The following SPTBN5 variants were observed in gnomAD, a reference collection of about 807,000 sequenced individuals.
The protein encoded by SPTBN5 is spectrin beta, non-erythrocytic 5.
In SPTBN5, 513 loss-of-function variants were observed where a neutral mutation model predicts 477.6. That is an observed-to-expected ratio of 1.07 (90% CI 1.00 to 1.16). SPTBN5 has a LOEUF of 1.16. Ranked by LOEUF, SPTBN5 falls within the 50% of genes most tolerant of loss-of-function variation. The probability of loss-of-function intolerance (pLI) is 0.00; values close to 1 mark genes in which losing one functional copy is unlikely to be tolerated. For synonymous variants in SPTBN5, 2,169 were observed against 2,011.7 expected (o/e 1.08, Z -2.09); for missense variants, 5,062 against 4,731.8 (o/e 1.07, Z -2.05).
At position 41,858,255 on chromosome 15, in the gene SPTBN5, G is replaced by C. The variant is rs188813174; in HGVS notation, c.8226+347C>G. ...GGAGGTTGCAGTGAGCTGAGATCTT[G>C]CCACTGCACTCCAGCCTGGGTGACA... is the stretch of plus-strand genomic sequence containing the variant. On this transcript the variant is annotated intron_variant, in intron 49 of 67. Transcript: ENST00000320955. Among the ~76,000 whole-genome samples, 70 of 152,312 alleles carry C rather than the reference G, an allele frequency of 4.6e-4. 1 individual carries two copies. The East Asian group carries it at 7.3e-3, about 16-fold the overall frequency.
rs1289935052 is a variant in SPTBN5 at position 41,857,340 on chromosome 15, G to GC, written c.8518dup (p.Ala2840GlyfsTer5). ...GCCCAGCAGTGCCTCAGCCTGCCTG[G>GC]CCTTCTTGTCCACTGCTGCCTCCAG... On this transcript the variant is annotated frameshift_variant, in exon 51 of 68. Coordinates refer to ENST00000320955, the MANE Select transcript of SPTBN5 (RefSeq NM_016642.4). LOFTEE classifies it high-confidence loss of function. 6.4e-7 allele frequency: 1 copy of GC among 1,570,492 alleles called. No individual in the cohort carries two copies. The highest frequency in any genetic ancestry group is 8.6e-7 in the Non-Finnish European group (1 of 1,158,284).
intron 45 of SPTBN5, 74 bp from the exon 46 acceptor site, chr15:41,861,570 G>C: frequency 6.4e-7 from 1 of 1,559,508 alleles, no homozygotes; most frequent in Non-Finnish European, 8.8e-7. Flanking sequence ...CTGTTCCAGT[G>C]GCACAGGTTA....
In SPTBN5 at chr15:41,858,607, G is replaced by T; in HGVS notation, c.8221C>A (p.Gln2741Lys). 1 of 1,610,620 alleles carries T rather than the reference G, an allele frequency of 6.2e-7. No homozygotes were observed. Residue 2741 changes from glutamine to lysine, a missense_variant, in exon 49 of 68, where the codon CAG becomes AAG. By Grantham distance (53) the Gln-to-Lys change is moderately conservative. Transcript: ENST00000320955. ...DASMHQQQEL[Q>K]REGQRLLQGG... The stretch of plus-strand genomic sequence containing the variant: ...TCCTGCCTGCAGGGCCTCACCCGCT[G>T]CAGCTCCTGCTGTTGGTGCATGCTC...
chr15:41,867,613 G>C lies in SPTBN5; in HGVS notation c.6237C>G (p.Ser2079Arg). ...TCAACTGCTCTACCTCTTCCACCGA[G>C]CTCCCCAAGGCACTGGTTTTCAGGG... ...EVSLKTSALG[S>R]SVEEVEQLIR... Residue 2079 changes from serine (S) to arginine (R), a missense_variant, in exon 35 of 68, where the codon AGC (serine) becomes AGG (arginine). Coordinates refer to ENST00000320955, the MANE Select transcript of SPTBN5 (RefSeq NM_016642.4). 1 of 1,613,750 alleles carries C rather than the reference G, an allele frequency of 6.2e-7. No homozygotes were observed. The highest frequency in any genetic ancestry group is 1.3e-5 in the African/African-American group (1 of 75,044).
rs772988566 is a variant in SPTBN5, at chr15:41,865,951, G to T, written c.6823-48C>A. 4 of 1,546,982 alleles carry T rather than the reference G, an allele frequency of 2.6e-6. No individual in the cohort carries two copies. The Admixed American group carries it at 5.9e-5, about 23-fold the overall frequency. ...GGGAGCGCTGTGAGCACCAGCCCAG[G>T]CTCCTGGCACCTGCTGCTGGGGATC... is the stretch of plus-strand genomic sequence containing the variant. On this transcript the variant is annotated intron_variant, in intron 38 of 67. Coordinates refer to ENST00000320955, the MANE Select transcript of SPTBN5 (RefSeq NM_016642.4).
intron 13 of SPTBN5, 94 bp downstream of exon 13, chr15:41,880,940 A>T (rs151141116): frequency 3.6e-6 from 4 of 1,104,570 alleles, no homozygotes; most frequent in Non-Finnish European, 3.9e-6. Flanking sequence ...AGGACAGGGA[A>T]CATGTCAGTC....
At position 41,876,542 on chromosome 15, in the gene SPTBN5, C is replaced by T. The variant is rs1197678; in HGVS notation, c.3951+6G>A. 0.011 allele frequency: 17,555 copies of T among 1,588,304 alleles called. 1,643 individuals are homozygous for T. The African/African-American group carries it at 0.21, about 19-fold the overall frequency. ...GGCGTCATGCGACCTGGGCCCAGAC[C>T]CTCACCTGGAGCTGGAGGGAAGCCA... On this transcript the variant is annotated splice_donor_region_variant and intron_variant, in intron 20 of 67. Transcript: ENST00000320955.
In SPTBN5 at chr15:41,880,065, G is replaced by A. The variant is rs534954763; in HGVS notation, c.2811+95C>T. On this transcript the variant is annotated intron_variant, in intron 14 of 67. Coordinates refer to ENST00000320955, the MANE Select transcript of SPTBN5 (RefSeq NM_016642.4). ...GCTCTCTGCTCCCCTCCCCCAGGCA[G>A]GACGGTAGTTAAATTGGAAAACTGA... 5.5e-6 allele frequency: 8 copies of A among 1,464,864 alleles called. No homozygotes were observed. The South Asian group carries it at 1.0e-4, about 18-fold the overall frequency. 90.7% of individuals were successfully genotyped at this position (1,464,864 alleles called of 1,614,324 possible).
Position 41,862,836 on chromosome 15 carries a change from T to C in SPTBN5, c.7217A>G (p.His2406Arg). The stretch of plus-strand genomic sequence containing the variant: ...GTGCACTTCCCGCTCCAGCTCCTCG[T>C]GTTTCCGCAGCAGCCTCTGCACGCT... ...LESVQRLLRK[H>R]EELEREVHPI... The change falls in exon 42 of 68, where the codon CAC becomes CGC. Residue 2406 changes from histidine (H) to arginine (R), a missense_variant. His to Arg is a conservative substitution (Grantham distance 29). Transcript: ENST00000320955. The C allele has an allele frequency of 1.9e-6, 3 of 1,589,702 alleles. No homozygotes were observed. Among genetic ancestry groups the C allele is most frequent in the Non-Finnish European group, 1.7e-6 (2 of 1,169,014 alleles).
rs760923419 is a variant in SPTBN5 at position 41,856,500 on chromosome 15, C to A, written c.8907G>T (p.Glu2969Asp). 1 of 1,598,788 alleles carries A rather than the reference C, an allele frequency of 6.3e-7. No homozygotes were observed. The highest frequency in any genetic ancestry group is 8.5e-7 in the Non-Finnish European group (1 of 1,174,138). Residue 2969 changes from glutamate (E) to aspartate (D), a missense_variant, in exon 53 of 68, where the codon GAG (glutamate) becomes GAT (aspartate). Glu to Asp is a conservative substitution (Grantham distance 45). Transcript: ENST00000320955. ...CCAGCTGCTGCACCCGGGCGGCCACCTCGTGGGCGGCAAAGTGCCCAGCCT... is the reference window on the plus strand; with the variant it reads ...CCAGCTGCTGCACCCGGGCGGCCACATCGTGGGCGGCAAAGTGCCCAGCCT... The part of the protein sequence containing the change: ...LVQAGHFAAH[E>D]VAARVQQLEK...
intron 41 of SPTBN5, 52 bp downstream of exon 41, chr15:41,863,652 C>T: frequency 1.4e-6 from 2 of 1,446,958 alleles, no homozygotes; most frequent in Non-Finnish European, 9.7e-7. Context: ...GTGCCCCCTC[C>T]CCTGACTGCA....
Position 41,867,218 on chromosome 15 carries a change from G to A in SPTBN5, c.6313-92C>T, listed in dbSNP as rs2290554. 28 of 1,391,342 alleles carry A rather than the reference G, an allele frequency of 2.0e-5. No individual in the cohort carries two copies. The East Asian group carries it at 3.3e-4, about 16-fold the overall frequency. 86.2% of individuals were successfully genotyped at this position (1,391,342 alleles called of 1,614,324 possible). A position where few individuals can be genotyped will look rare whatever the true frequency, so the allele number is the denominator to read the frequency against. ...TCACAGTCCTTTCTTTGAGGGCCCC[G>A]GAGCCCTTTCCTCAGCCCCACATGG... On this transcript the variant is annotated intron_variant, in intron 35 of 67. Coordinates refer to ENST00000320955, the MANE Select transcript of SPTBN5 (RefSeq NM_016642.4).
At chr15:41,879,545 C>A in intron 15 of SPTBN5, 46 bp from the exon 16 acceptor site, 1 of 1,520,930 alleles carries the variant, frequency 6.6e-7, no homozygotes, top group Non-Finnish European at 8.8e-7. Flanking sequence ...GACACCTCCC[C>A]ATCCATCCGG....
At chr15:41,861,075 A>G (rs2066089538) in intron 46 of SPTBN5, among the ~76,000 whole-genome samples, 1 of 152,248 alleles carries the variant, frequency 6.6e-6, no homozygotes, top group Non-Finnish European at 1.5e-5. Flanking sequence ...GGTCTCCTAT[A>G]AGTTACACTC....
At position 41,886,180 on chromosome 15, in the gene SPTBN5, G is replaced by C; in HGVS notation, c.1075C>G (p.Arg359Gly). The change falls in exon 7 of 68, where the codon CGG (arginine) becomes GGG (glycine). Residue 359 changes from arginine to glycine, a missense_variant. Transcript: ENST00000320955. The stretch of plus-strand genomic sequence containing the variant: ...TCTGCGGCCCCTCGCTGCTGTAGCC[G>C]GGGTGGCTTCTCCTGGGTGCGGAAG... ...TIFRTQEKPPRLQQRGAAEAL... is the reference protein window; with the variant it reads ...TIFRTQEKPPGLQQRGAAEAL... The C allele has an allele frequency of 1.2e-6, 2 of 1,612,844 alleles. No homozygotes were observed. The highest frequency in any genetic ancestry group is 1.7e-6 in the Non-Finnish European group (2 of 1,179,738).
At position 41,876,916 on chromosome 15, in the gene SPTBN5, C is replaced by T. The variant is rs1185423973; in HGVS notation, c.3744G>A (p.Gln1248=). 1.2e-6 allele frequency: 2 copies of T among 1,609,910 alleles called. No individual in the cohort carries two copies. Among genetic ancestry groups the T allele is most frequent in the East Asian group, 2.2e-5 (1 of 44,850 alleles). Residue 1248 remains glutamine, a synonymous_variant, in exon 19 of 68, where the codon CAG becomes CAA. Transcript: ENST00000320955. Reference sequence around the variant, plus strand: ...GGAGCCGCCCAAACTCCCGGTGCTGCTGCAGCAGGCTCAGGGCCTCCCTCA... The same window carrying T: ...GGAGCCGCCCAAACTCCCGGTGCTGTTGCAGCAGGCTCAGGGCCTCCCTCA... ...EDVREALSLL[Q]QHREFGRLLS...
At position 41,862,666 on chromosome 15, in the gene SPTBN5, G is replaced by A. The variant is rs554701540; in HGVS notation, c.7264-6C>T. Reference sequence around the variant, plus strand: ...CCCACTTCACGCTCTAGGGACTGCGGGGGAAGCCGGGGTCAGAGGCTGGGG... The same window carrying A: ...CCCACTTCACGCTCTAGGGACTGCGAGGGAAGCCGGGGTCAGAGGCTGGGG... On this transcript the variant is annotated splice_polypyrimidine_tract_variant and splice_region_variant and intron_variant, in intron 42 of 67. Transcript: ENST00000320955. 2.4e-5 allele frequency: 37 copies of A among 1,548,452 alleles called. No individual in the cohort carries two copies. In the Admixed American group the frequency reaches 7.1e-4, roughly 30 times the overall value.
chr15:41,879,128 C>G (rs1371825253), intron 16 of SPTBN5, 132 bp downstream of exon 16: 2 of 1,070,840 alleles, frequency 1.9e-6, no homozygotes, highest in Non-Finnish European at 1.3e-6. Flanking sequence ...TGATCATCCC[C>G]CCATCTTTGC....
chr15:41,849,831 G>A (rs2065691182), intron 67 of SPTBN5, 38 bp downstream of exon 67: 1 of 1,517,072 alleles, frequency 6.6e-7, no homozygotes, highest in Non-Finnish European at 9.0e-7. Context: ...CTGAAGCCCA[G>A]GGCTCCCCGC....
Sources: allele counts gnomAD v4.1 joint callset (sites outside exome capture counted in the v4.1 genomes callset), GRCh38; gene constraint gnomAD v4.1.1; transcripts MANE v1.5; gene names NCBI Gene and HGNC (gene_info 2026-07-23, HGNC 2026-07-21).